Variants in TRIM22 observed in about 807,000 individuals in gnomAD.
TRIM22 encodes the protein E3 ubiquitin-protein ligase TRIM22.
In TRIM22, 45 loss-of-function variants were observed where a neutral mutation model predicts 53.6. The ratio of observed to expected loss-of-function variants is 0.84; its 90% CI spans 0.66 to 1.08. The LOEUF (loss-of-function observed/expected upper bound fraction) is 1.08. TRIM22 is among the 50% of genes least tolerant of loss of function. The probability of loss-of-function intolerance (pLI) is 0.00; values close to 1 mark genes in which losing one functional copy is unlikely to be tolerated. For missense variants in TRIM22, 616 were observed against 590.9 expected (o/e 1.04, Z -0.44); for synonymous variants, 225 against 216.6 (o/e 1.04, Z -0.34).
At chr11:5,696,719 C>CA in intron 2 of TRIM22, 64 bp downstream of exon 2, 1 of 1,513,956 alleles carries the variant, frequency 6.6e-7, no homozygotes, top group South Asian at 1.3e-5. Context: ...GTGAAATCTC[C>CA]ACTTTTTTTG....
intron 2 of TRIM22, 67 bp from the exon 3 acceptor site, chr11:5,697,181 T>C: frequency 8.0e-7 from 1 of 1,251,946 alleles, no homozygotes; most frequent in Non-Finnish European, 1.1e-6. Context: ...AATTTCTTCC[T>C]TGCTGTCCTC....
intron 4 of TRIM22, among the ~76,000 whole-genome samples, chr11:5,703,278 A>G (rs1053706878): frequency 2.0e-5 from 3 of 152,200 alleles, no homozygotes; most frequent in African/African-American, 7.2e-5. Flanking sequence ...GCTTCCACTT[A>G]TAAGTGAGAA....
chr11:5,703,830 A>G (rs1230623415), intron 4 of TRIM22, among the ~76,000 whole-genome samples: 1 of 152,226 alleles, frequency 6.6e-6, no homozygotes, highest in Non-Finnish European at 1.5e-5. Context: ...AAAATGGGCA[A>G]AAGTCATGAA....
intron 1 of TRIM22, among the ~76,000 whole-genome samples, chr11:5,694,803 G>A (rs138190775): frequency 6.6e-6 from 1 of 152,274 alleles, no homozygotes; most frequent in African/African-American, 2.4e-5. Flanking sequence ...GTGGTGGTGT[G>A]TGGGTGTGTG....
intron 5 of TRIM22, among the ~76,000 whole-genome samples, chr11:5,706,861 G>C (rs1449382671): frequency 6.6e-6 from 1 of 152,192 alleles, no homozygotes; most frequent in Non-Finnish European, 1.5e-5. Context: ...AGAACCCCAT[G>C]ACTTCACTCA....
intron 7 of TRIM22, 129 bp downstream of exon 7, chr11:5,708,732 TTA>T: frequency 2.5e-6 from 2 of 796,020 alleles, no homozygotes; most frequent in South Asian, 4.8e-5. Flanking sequence ...TTTTTTTTTT[TTA>T]AGATAGATTT....
In TRIM22 at chr11:5,709,764, T is replaced by C; in HGVS notation, c.*116T>C. On this transcript the variant is annotated 3_prime_UTR_variant, in exon 8 of 8. Transcript: ENST00000379965. ...CTTCCTTTCTTTCCCCTTCTTTTACTTAGAATGTCTTTGTATTCATTTGCT... is the reference window on the plus strand; with the variant it reads ...CTTCCTTTCTTTCCCCTTCTTTTACCTAGAATGTCTTTGTATTCATTTGCT... 1 of 912,114 alleles carries C rather than the reference T, an allele frequency of 1.1e-6. No homozygotes were observed. The highest frequency in any genetic ancestry group is 1.7e-6 in the Non-Finnish European group (1 of 601,178). 56.5% of individuals were successfully genotyped at this position (912,114 alleles called of 1,614,324 possible). A position where few individuals can be genotyped will look rare whatever the true frequency, so the allele number is the denominator to read the frequency against.
chr11:5,709,265 C>A lies in TRIM22; in HGVS notation c.1114C>A (p.His372Asn). Reference sequence around the variant, plus strand: ...AAAGATTGCCTGGATCCTGGGCGTACACAGTAAAATAAGTAGTCTGAATAA... The same window carrying A: ...AAAGATTGCCTGGATCCTGGGCGTAAACAGTAAAATAAGTAGTCTGAATAA... Reference protein sequence around the residue: ...SGKIAWILGVHSKISSLNKRK... With the variant: ...SGKIAWILGVNSKISSLNKRK... The change falls in exon 8 of 8, where the codon CAC becomes AAC. Residue 372 changes from histidine to asparagine, a missense_variant. His to Asn is a moderately conservative substitution (Grantham distance 68). Coordinates refer to ENST00000379965, the MANE Select transcript of TRIM22 (RefSeq NM_006074.5). The A allele has an allele frequency of 6.2e-7, 1 of 1,614,118 alleles. No individual in the cohort carries two copies. The highest frequency in any genetic ancestry group is 8.5e-7 in the Non-Finnish European group (1 of 1,180,012).
intron 4 of TRIM22, among the ~76,000 whole-genome samples, chr11:5,702,503 G>C (rs1853390026): frequency 6.7e-6 from 1 of 150,302 alleles, no homozygotes; most frequent in South Asian, 2.1e-4. Context: ...AAGGCTTAGT[G>C]GTTTCCCTGG....
rs1853282033 is a variant in TRIM22 at position 5,697,308 on chromosome 11, G to C, written c.484G>C (p.Glu162Gln). 1 of 1,613,792 alleles carries C rather than the reference G, an allele frequency of 6.2e-7. No homozygotes were observed. The highest frequency in any genetic ancestry group is 8.5e-7 in the Non-Finnish European group (1 of 1,179,830). Residue 162 changes from glutamate (E) to glutamine (Q), a missense_variant, in exon 3 of 8, where the codon GAA becomes CAA. By Grantham distance (29) the Glu-to-Gln change is conservative (BLOSUM62 2). Coordinates refer to ENST00000379965, the MANE Select transcript of TRIM22 (RefSeq NM_006074.5). ...GGAGGATCAAGAGGCTGAGAAGCTG[G>C]AAGATGACATCAGACAAGAGAGAAC... is the stretch of plus-strand genomic sequence containing the variant. ...IKEDQEAEKL[E>Q]DDIRQERTAW...
In TRIM22 at chr11:5,708,273, G is replaced by C. The variant is rs755482048; in HGVS notation, c.874G>C (p.Glu292Gln). 1 of 1,612,052 alleles carries C rather than the reference G, an allele frequency of 6.2e-7. No individual in the cohort carries two copies. The highest frequency in any genetic ancestry group is 1.7e-5 in the Admixed American group (1 of 60,012). Residue 292 changes from glutamate to glutamine, a missense_variant and splice_region_variant, in exon 6 of 8, where the codon GAG (glutamate) becomes CAG (glutamine). Transcript: ENST00000379965. Reference sequence around the variant, plus strand: ...GAGTGGGATGCTGCAAGTTCTTAAAGGTAAGGGGATTCAGGGGAAGGCTGT... The same window carrying C: ...GAGTGGGATGCTGCAAGTTCTTAAACGTAAGGGGATTCAGGGGAAGGCTGT... ...DLSGMLQVLK[E>Q]LTDVQYYWVD...
intron 2 of TRIM22, chr11:5,696,944 C>A: frequency 3.9e-6 from 2 of 508,408 alleles, no homozygotes; most frequent in Non-Finnish European, 6.9e-6. Context: ...TTTTTGGGAA[C>A]ACGTCTGGTT....
chr11:5,705,340 G>GAAAATTAATTCAATAATAATTCA (rs1317500846), intron 4 of TRIM22, among the ~76,000 whole-genome samples: 1 of 152,120 alleles, frequency 6.6e-6, no homozygotes, highest in Non-Finnish European at 1.5e-5. Flanking sequence ...TAATTAATCT[G>GAAAATTAATTCAATAATAATTCA]AAAATAAGTC....
chr11:5,695,696 T>C (rs1265123690), intron 1 of TRIM22, among the ~76,000 whole-genome samples: 1 of 152,216 alleles, frequency 6.6e-6, no homozygotes, highest in Non-Finnish European at 1.5e-5. Flanking sequence ...TTTGATGCTA[T>C]GTAAATACAA....
intron 1 of TRIM22, among the ~76,000 whole-genome samples, chr11:5,691,520 T>C (rs1853171926): frequency 6.6e-6 from 1 of 152,216 alleles, no homozygotes; most frequent in Non-Finnish European, 1.5e-5. Flanking sequence ...CATTTCTGCC[T>C]TTTAGTTTTT....
intron 7 of TRIM22, 23 bp from the exon 8 acceptor site, chr11:5,709,030 T>C (rs775870066): frequency 6.3e-7 from 1 of 1,585,436 alleles, no homozygotes; most frequent in South Asian, 1.1e-5. Flanking sequence ...ATCCTTCACT[T>C]GACTTGGTAA....
chr11:5,695,502 A>G (rs1853243525), intron 1 of TRIM22, among the ~76,000 whole-genome samples: 1 of 152,034 alleles, frequency 6.6e-6, no homozygotes, highest in Non-Finnish European at 1.5e-5. Flanking sequence ...CTGATTAAAA[A>G]CCCAAAGGAT....
intron 1 of TRIM22, among the ~76,000 whole-genome samples, chr11:5,692,017 A>T: frequency 6.6e-6 from 1 of 152,238 alleles, no homozygotes; most frequent in Non-Finnish European, 1.5e-5. Flanking sequence ...ATAGTAAAAA[A>T]ACAAAAACAA....
chr11:5,699,108 C>G (rs1853320548), intron 4 of TRIM22, among the ~76,000 whole-genome samples: 1 of 152,136 alleles, frequency 6.6e-6, no homozygotes, highest in South Asian at 2.1e-4. Flanking sequence ...TATGTATTCA[C>G]CAGTTGGTGG....
Sources: allele counts gnomAD v4.1 joint callset (sites outside exome capture counted in the v4.1 genomes callset), GRCh38; gene constraint gnomAD v4.1.1; transcripts MANE v1.5; gene names NCBI Gene and HGNC (gene_info 2026-07-23, HGNC 2026-07-21).